CCDC88A: variants seen among roughly 807,000 people sequenced by gnomAD.
The protein encoded by CCDC88A is coiled-coil and HOOK domain protein 88A.
A neutral mutation model predicts 234.3 loss-of-function variants in CCDC88A; 54 were observed. That is an observed-to-expected ratio of 0.23 (90% CI 0.19 to 0.29). The LOEUF (loss-of-function observed/expected upper bound fraction) is 0.29, where lower values mean the gene tolerates loss of function less well. CCDC88A is among the 10% of genes least tolerant of loss of function. The pLI is 1.00. For missense variants in CCDC88A, 1,832 were observed against 2,123.4 expected, an observed-to-expected ratio of 0.86 and a Z score of 2.70; for synonymous variants, 753 against 737.8, an observed-to-expected ratio of 1.02 and a Z score of -0.33.
rs185460856 is a variant in CCDC88A, at chr2:55,317,073, G to T, written c.3746+133C>A. ...AAAATTCCGAATTCAAACTATGCTT[G>T]GTACTACAAAGGGGCAGTATATAGT... is the stretch of plus-strand genomic sequence containing the variant. On this transcript the variant is annotated intron_variant, in intron 21 of 32. Transcript: ENST00000436346. The surrounding 1 kb of genome is among the most constrained non-coding windows in gnomAD (Gnocchi z 4.2). 2.0e-4 allele frequency: 62 copies of T among 302,584 alleles called. No individual in the cohort carries two copies. Among genetic ancestry groups the T allele is most frequent in the Admixed American group, 1.0e-3 (20 of 19,744 alleles). The allele number at this position is 302,584 out of a possible 1,614,324, so 18.7% of individuals were successfully genotyped here.
At chr2:55,364,094 T>C (rs1458557955) in intron 5 of CCDC88A, 61 bp from the exon 6 acceptor site, 2 of 758,972 alleles carry the variant, frequency 2.6e-6, no homozygotes, top group Middle Eastern at 3.8e-4. Context: ...TAAAATGTTA[T>C]ATATAACTAA....
chr2:55,335,095 T>C lies in CCDC88A; in HGVS notation c.1726A>G (p.Ile576Val). ...TVSSLRQRSQ[I>V]SAEARVKDIE... ...TCTTTCACTCTTGCTTCTGCACTTATCTGGGACCGCTGCCTTAAGGAAGAC... is the reference window on the plus strand; with the variant it reads ...TCTTTCACTCTTGCTTCTGCACTTACCTGGGACCGCTGCCTTAAGGAAGAC... Residue 576 changes from isoleucine (I) to valine (V), a missense_variant, in exon 15 of 33, where the codon ATA becomes GTA. Physicochemically the swap from Ile to Val is conservative, Grantham distance 29. This residue lies in a region of CCDC88A where 1,282 missense variants were observed against 1,543.6 expected (regional missense o/e 0.83). Transcript: ENST00000436346. The surrounding 1 kb of genome is among the most constrained non-coding windows in gnomAD (Gnocchi z 4.5). 6.2e-7 allele frequency: 1 copy of C among 1,602,266 alleles called. No individual in the cohort carries two copies. The highest frequency in any genetic ancestry group is 8.5e-7 in the Non-Finnish European group (1 of 1,175,822).
chr2:55,295,642 C>T lies in CCDC88A; in HGVS notation c.5506G>A (p.Asp1836Asn). The change falls in exon 31 of 33, where the codon GAT (aspartate) becomes AAT (asparagine). Residue 1836 changes from aspartate (D) to asparagine (N), a missense_variant. By Grantham distance (23) the Asp-to-Asn change is conservative. Coordinates refer to ENST00000436346, the MANE Select transcript of CCDC88A (RefSeq NM_001365480.1). ...TKDSRLPISV[D>N]SPPAAADSNT... ...CTGTCAGCAGCAGCTGGTGGTGAATCAACTGATATAGGCAGTCTACTGTCC... is the reference window on the plus strand; with the variant it reads ...CTGTCAGCAGCAGCTGGTGGTGAATTAACTGATATAGGCAGTCTACTGTCC... 1 of 1,614,164 alleles carries T rather than the reference C, an allele frequency of 6.2e-7. No homozygotes were observed.
chr2:55,325,121 T>C (rs1684104837), intron 17 of CCDC88A, among the ~76,000 whole-genome samples: 1 of 152,242 alleles, frequency 6.6e-6, no homozygotes, highest in African/African-American at 2.4e-5. Flanking sequence ...GGGATTTTAA[T>C]TGGGATTATG....
intron 2 of CCDC88A, among the ~76,000 whole-genome samples, chr2:55,408,255 C>T (rs1468200840): frequency 6.6e-6 from 1 of 152,016 alleles, no homozygotes; most frequent in East Asian, 1.9e-4. Context: ...ATCTTTTCAC[C>T]CTCTCTCATG....
At chr2:55,364,233 A>C in intron 5 of CCDC88A, 200 bp from the exon 6 acceptor site, 1 of 405,492 alleles carries the variant, frequency 2.5e-6, no homozygotes, top group Non-Finnish European at 4.4e-6. Flanking sequence ...GGCACTGAAA[A>C]TCCATACTAT....
At position 55,322,650 on chromosome 2, in the gene CCDC88A, C is replaced by G; in HGVS notation, c.3040G>C (p.Glu1014Gln). 1.3e-6 allele frequency: 2 copies of G among 1,579,922 alleles called. No individual in the cohort carries two copies. The highest frequency in any genetic ancestry group is 1.7e-6 in the Non-Finnish European group (2 of 1,164,264). ...YEALKQRQDE[E>Q]RMVQSSPPIS... ...GGAGGAGAGCTCTGTACCATCCTTT[C>G]CTCATCTTGTCTCTGTTTGAGAGCT... The change falls in exon 18 of 33, where the codon GAA (glutamate) becomes CAA (glutamine). Residue 1014 changes from glutamate (E) to glutamine (Q), a missense_variant. Glu to Gln is a conservative substitution (Grantham distance 29). Transcript: ENST00000436346.
At chr2:55,354,566 T>C (rs189494417) in intron 8 of CCDC88A, among the ~76,000 whole-genome samples, 1 of 151,570 alleles carries the variant, frequency 6.6e-6, no homozygotes, top group African/African-American at 2.4e-5. Flanking sequence ...CTTATGCTTT[T>C]TTTCTTTCTT....
Position 55,317,165 on chromosome 2 carries a change from T to C in CCDC88A, c.3746+41A>G, listed in dbSNP as rs768335527. ...TATACACATATATATGTATATACTTTCTATATAAAATGTTTGTTATATATA... is the reference window on the plus strand; with the variant it reads ...TATACACATATATATGTATATACTTCCTATATAAAATGTTTGTTATATATA... On this transcript the variant is annotated intron_variant, in intron 21 of 32. Transcript: ENST00000436346. The surrounding 1 kb of genome is among the most constrained non-coding windows in gnomAD (Gnocchi z 4.2). 6 of 882,182 alleles carry C rather than the reference T, an allele frequency of 6.8e-6. No individual in the cohort carries two copies. In the South Asian group the frequency reaches 2.1e-4, roughly 30 times the overall value. 54.6% of individuals were successfully genotyped at this position (882,182 alleles called of 1,614,324 possible).
At chr2:55,390,165 G>A (rs1290615073) in intron 2 of CCDC88A, among the ~76,000 whole-genome samples, 1 of 150,846 alleles carries the variant, frequency 6.6e-6, no homozygotes, top group Non-Finnish European at 1.5e-5. Flanking sequence ...AAAACTGAGT[G>A]GTATCGTTTT....
chr2:55,343,564 C>A, intron 12 of CCDC88A, 84 bp downstream of exon 12: 1 of 1,017,642 alleles, frequency 9.8e-7, no homozygotes, highest in Non-Finnish European at 1.4e-6. Flanking sequence ...ATATCTCCCA[C>A]TGCGGAAAAT....
Position 55,318,829 on chromosome 2 carries a change from TA to T in CCDC88A, c.3324+13del, listed in dbSNP as rs766024993. Reference sequence around the variant, plus strand: ...AGAGTTTGGTTGCATATTCCCAAAATATTATATTACAACCTGAAGCTTGGCA... The same window carrying T: ...AGAGTTTGGTTGCATATTCCCAAAATTTATATTACAACCTGAAGCTTGGCA... On this transcript the variant is annotated intron_variant, in intron 19 of 32. Transcript: ENST00000436346. The T allele has an allele frequency of 1.3e-5, 21 of 1,563,970 alleles. No homozygotes were observed. The highest frequency in any genetic ancestry group is 1.8e-5 in the Non-Finnish European group (21 of 1,148,540).
intron 3 of CCDC88A, among the ~76,000 whole-genome samples, chr2:55,383,155 C>T (rs944387919): frequency 6.6e-6 from 1 of 151,894 alleles, no homozygotes; most frequent in East Asian, 1.9e-4. Flanking sequence ...ATCCTCCCTC[C>T]AACAATCATC....
At position 55,296,427 on chromosome 2, in the gene CCDC88A, C is replaced by T. The variant is rs757576625; in HGVS notation, c.4922G>A (p.Ser1641Asn). 2.5e-6 allele frequency: 4 copies of T among 1,614,178 alleles called. No individual in the cohort carries two copies. In the East Asian group the frequency reaches 6.7e-5, roughly 27 times the overall value. Residue 1641 changes from serine (S) to asparagine (N), a missense_variant, in exon 30 of 33, where the codon AGT becomes AAT. Coordinates refer to ENST00000436346, the MANE Select transcript of CCDC88A (RefSeq NM_001365480.1). ...CTGTCTTTTCAAGTACTGGATTGGACTGCTACCACTGCTGGACCAAGCCTC... is the reference window on the plus strand; with the variant it reads ...CTGTCTTTTCAAGTACTGGATTGGATTGCTACCACTGCTGGACCAAGCCTC... ...DHEAWSSSGSSPIQYLKRQTR... is the reference protein window; with the variant it reads ...DHEAWSSSGSNPIQYLKRQTR...
chr2:55,384,801 C>T (rs546775475), intron 3 of CCDC88A, among the ~76,000 whole-genome samples: 1 of 151,530 alleles, frequency 6.6e-6, no homozygotes, highest in African/African-American at 2.4e-5. Flanking sequence ...GGATTACAGG[C>T]ACGCACCACC....
chr2:55,397,868 T>TA (rs1051053363), intron 2 of CCDC88A, among the ~76,000 whole-genome samples: 4 of 152,036 alleles, frequency 2.6e-5, no homozygotes, highest in African/African-American at 4.8e-5. Context: ...GAATTTTTTG[T>TA]AAAAAAAATT....
intron 22 of CCDC88A, chr2:55,314,384 T>C (rs1682714541): frequency 1.3e-5 from 2 of 152,230 alleles, no homozygotes; most frequent in African/African-American, 4.8e-5. Flanking sequence ...TGATAAAGCA[T>C]ATATAAAGAA....
chr2:55,295,542 G>C (rs778266530), intron 31 of CCDC88A, 55 bp downstream of exon 31: 4 of 1,613,902 alleles, frequency 2.5e-6, no homozygotes, highest in Middle Eastern at 1.6e-4. Context: ...AGAACCTATA[G>C]TATGTGTTGG....
Position 55,332,198 on chromosome 2 carries a change from A to G in CCDC88A, c.2855+368T>C. ...CAACGGCACGATCTCAGCTCACCGC[A>G]ACCTCAGCCTCCCAAGTTCAAGCAA... is the stretch of plus-strand genomic sequence containing the variant. On this transcript the variant is annotated intron_variant, in intron 16 of 32. Coordinates refer to ENST00000436346, the MANE Select transcript of CCDC88A (RefSeq NM_001365480.1). This position sits in a 1 kb window ranked among gnomAD's most constrained non-coding sequence, Gnocchi z 4.5. 1 of 154,606 alleles carries G rather than the reference A, an allele frequency of 6.5e-6. No homozygotes were observed. The highest frequency in any genetic ancestry group is 1.4e-5 in the Non-Finnish European group (1 of 69,902). The allele number at this position is 154,606 out of a possible 1,614,324, so 9.6% of individuals were successfully genotyped here. A position where few individuals can be genotyped will look rare whatever the true frequency, so the allele number is the denominator to read the frequency against.
Sources: gnomAD v4.1 joint callset for allele counts (sites outside exome capture counted in the v4.1 genomes callset) on GRCh38, gnomAD v4.1.1 for gene constraint, gnomAD v4.1.1 regional missense constraint, Gnocchi (gnomAD v3.1) non-coding constraint, MANE v1.5 for transcripts, NCBI Gene and HGNC (gene_info 2026-07-23, HGNC 2026-07-21) for gene names.